Variants in CC2D2A observed in about 807,000 individuals in gnomAD.
CC2D2A encodes coiled-coil and C2 domain-containing protein 2A.
A neutral mutation model predicts 212.9 loss-of-function variants in CC2D2A; 155 were observed. The observed-to-expected ratio is 0.73, with a 90% CI of 0.64 to 0.83. CC2D2A has a LOEUF of 0.83. Ranked by LOEUF, CC2D2A falls within the 40% of genes least tolerant of loss-of-function variation. The pLI, the probability that CC2D2A is intolerant of heterozygous loss-of-function variation, is 0.00. For missense variants in CC2D2A, 1,856 were observed against 1,956.2 expected, an observed-to-expected ratio of 0.95 and a Z score of 0.97; for synonymous variants, 667 against 686.5, an observed-to-expected ratio of 0.97 and a Z score of 0.44.
At chr4:15,589,301 AGAT>A (rs1720987352) in intron 32 of CC2D2A, among the ~76,000 whole-genome samples, 1 of 152,204 alleles carries the variant, frequency 6.6e-6, no homozygotes, top group African/African-American at 2.4e-5. Context: ...TGGTTGAGTA[AGAT>A]GATGACTGTC....
intron 4 of CC2D2A, chr4:15,482,442 C>T (rs1290055466): frequency 2.1e-5 from 8 of 384,404 alleles, no homozygotes; most frequent in Admixed American, 6.4e-5. Flanking sequence ...CCAGCATGGC[C>T]GGTTTCCAGT....
chr4:15,586,647 C>T (rs1270536994), intron 31 of CC2D2A, among the ~76,000 whole-genome samples: 1 of 152,104 alleles, frequency 6.6e-6, no homozygotes, highest in African/African-American at 2.4e-5. Context: ...ACTTCTTGGT[C>T]ACTTACCACA....
intron 29 of CC2D2A, chr4:15,576,264 C>A: frequency 2.9e-6 from 1 of 347,894 alleles, no homozygotes; most frequent in Non-Finnish European, 4.0e-6. Flanking sequence ...TGGCAGAAAA[C>A]ACTGCTCAGT....
At chr4:15,527,388 AATC>A in intron 11 of CC2D2A, 56 bp from the exon 12 acceptor site, 1 of 1,274,062 alleles carries the variant, frequency 7.8e-7, no homozygotes, top group South Asian at 1.3e-5. Flanking sequence ...TGGATTAGAG[AATC>A]ATTATCTAGT....
At chr4:15,490,604 TGAA>T (rs765195329) in intron 4 of CC2D2A, among the ~76,000 whole-genome samples, 26 of 152,214 alleles carry the variant, frequency 1.7e-4, no homozygotes, top group Non-Finnish European at 2.5e-4. Flanking sequence ...AGTGTTGCTG[TGAA>T]CACTTGCAAA....
Position 15,599,724 on chromosome 4 carries a change from C to A in CC2D2A, c.4674+18C>A. 6.4e-7 allele frequency: 1 copy of A among 1,553,728 alleles called. No individual in the cohort carries two copies. Among genetic ancestry groups the A allele is most frequent in the South Asian group, 1.2e-5 (1 of 84,452 alleles). The stretch of plus-strand genomic sequence containing the variant: ...ACTACAGGGTAAGTTACAAATGGAT[C>A]CTAAACTGACTGTGGATTTCCTTGT... On this transcript the variant is annotated intron_variant, in intron 36 of 36. Transcript: ENST00000424120.
At chr4:15,561,109 G>A (rs1014303137) in intron 23 of CC2D2A, among the ~76,000 whole-genome samples, 1 of 152,222 alleles carries the variant, frequency 6.6e-6, no homozygotes, top group Non-Finnish European at 1.5e-5. Flanking sequence ...TGCTTGGTGA[G>A]AGTGTAGAAC....
At chr4:15,478,857 C>T (rs778593083) in intron 3 of CC2D2A, 51 bp downstream of exon 3, 13 of 1,387,802 alleles carry the variant, frequency 9.4e-6, no homozygotes, top group African/African-American at 4.3e-5. Context: ...ATCAACAACC[C>T]GCCTGCATCC....
chr4:15,511,438 G>A lies in CC2D2A; in HGVS notation c.717+15G>A. ...GAAAGGAAATGGTATTTAATATCAGGATGGTAATGAGGTGTGGGTGGAGGG... is the reference window on the plus strand; with the variant it reads ...GAAAGGAAATGGTATTTAATATCAGAATGGTAATGAGGTGTGGGTGGAGGG... On this transcript the variant is annotated intron_variant, in intron 8 of 36. Transcript: ENST00000424120. 4 of 1,519,206 alleles carry A rather than the reference G, an allele frequency of 2.6e-6. No individual in the cohort carries two copies. The highest frequency in any genetic ancestry group is 3.5e-6 in the Non-Finnish European group (4 of 1,142,450). 94.1% of individuals were successfully genotyped at this position (1,519,206 alleles called of 1,614,324 possible).
At chr4:15,565,296 T>C (rs1473146878) in intron 24 of CC2D2A, among the ~76,000 whole-genome samples, 1 of 152,224 alleles carries the variant, frequency 6.6e-6, no homozygotes, top group Non-Finnish European at 1.5e-5. Flanking sequence ...TGATCCTACA[T>C]GCTACACATT....
intron 6 of CC2D2A, among the ~76,000 whole-genome samples, chr4:15,506,046 C>A (rs1274538104): frequency 6.6e-6 from 1 of 152,100 alleles, no homozygotes; most frequent in Non-Finnish European, 1.5e-5. Flanking sequence ...TTGGAGGATA[C>A]AACAAATTTA....
At chr4:15,482,779 C>T (rs1294593184) in intron 4 of CC2D2A, among the ~76,000 whole-genome samples, 1 of 152,102 alleles carries the variant, frequency 6.6e-6, no homozygotes, top group African/African-American at 2.4e-5. Context: ...GGAGAGGTGG[C>T]CACCAGTCAA....
At position 15,589,545 on chromosome 4, in the gene CC2D2A, G is replaced by T; in HGVS notation, c.4180G>T (p.Gly1394Cys). The change falls in exon 33 of 37, where the codon GGT (glycine) becomes TGT (cysteine). Residue 1394 changes from glycine to cysteine, a missense_variant and splice_region_variant. Gly to Cys is a radical substitution (Grantham distance 159, BLOSUM62 -3). Around this residue, in one of 5 missense-constraint regions of CC2D2A, gnomAD observed 285 missense variants for 278.4 expected, o/e 1.02. Transcript: ENST00000424120. ...WLLMGNAIPE[G>C]PTAYVLTWEQ... Reference sequence around the variant, plus strand: ...AGTTTTAATGGCCATCTTCTTTCAGGGTCCAACTGCCTATGTGCTAACTTG... The same window carrying T: ...AGTTTTAATGGCCATCTTCTTTCAGTGTCCAACTGCCTATGTGCTAACTTG... 1 of 1,610,310 alleles carries T rather than the reference G, an allele frequency of 6.2e-7. No homozygotes were observed.
chr4:15,519,029 T>C (rs1717047739), intron 11 of CC2D2A, among the ~76,000 whole-genome samples: 1 of 152,208 alleles, frequency 6.6e-6, no homozygotes, highest in Admixed American at 6.5e-5. Context: ...CGGTTTGAAT[T>C]TCTCCTCAGA....
intron 4 of CC2D2A, chr4:15,492,994 A>G (rs1171431583): frequency 4.6e-6 from 2 of 434,334 alleles, no homozygotes; most frequent in Non-Finnish European, 8.9e-6. Context: ...ATTATTTAGG[A>G]TGACCTATGT....
intron 4 of CC2D2A, among the ~76,000 whole-genome samples, chr4:15,483,527 G>C (rs1486798693): frequency 1.3e-5 from 2 of 152,164 alleles, no homozygotes; most frequent in African/African-American, 4.8e-5. Context: ...TTTAAGGGAA[G>C]GAAAATCAGC....
intron 29 of CC2D2A, among the ~76,000 whole-genome samples, chr4:15,578,267 G>A (rs1720495210): frequency 6.6e-6 from 1 of 152,144 alleles, no homozygotes; most frequent in Non-Finnish European, 1.5e-5. Context: ...ATATATAGGA[G>A]GCTTCTGGAG....
chr4:15,597,075 G>A (rs189097378), intron 34 of CC2D2A, among the ~76,000 whole-genome samples: 235 of 152,282 alleles, frequency 1.5e-3, no homozygotes, highest in Middle Eastern at 3.4e-3. Context: ...TGTTAATGAA[G>A]ACAGGAATTT....
chr4:15,574,225 C>T lies in CC2D2A; in HGVS notation c.3670C>T (p.Arg1224Trp), dbSNP rs369648324. Reference sequence around the variant, plus strand: ...TAAGGAGCGAAATATGATTCTTGAGCGGGGTTTTGATTCTGTCCGAAGCTT... The same window carrying T: ...TAAGGAGCGAAATATGATTCTTGAGTGGGGTTTTGATTCTGTCCGAAGCTT... The part of the protein sequence containing the change: ...YSKERNMILE[R>W]GFDSVRSLSE... The change falls in exon 29 of 37, where the codon CGG becomes TGG. Residue 1224 changes from arginine to tryptophan, a missense_variant. By Grantham distance (101) the Arg-to-Trp change is moderately radical. Transcript: ENST00000424120. The T allele has an allele frequency of 1.2e-5, 19 of 1,551,088 alleles. No individual in the cohort carries two copies. In the East Asian group the frequency reaches 2.2e-4, roughly 18 times the overall value.
Sources: gnomAD v4.1 joint callset for allele counts (sites outside exome capture counted in the v4.1 genomes callset) on GRCh38, gnomAD v4.1.1 for gene constraint, gnomAD v4.1.1 regional missense constraint, MANE v1.5 for transcripts, NCBI Gene and HGNC (gene_info 2026-07-23, HGNC 2026-07-21) for gene names.